The following TMEM132D variants were observed in gnomAD, a reference collection of about 807,000 sequenced individuals.
TMEM132D encodes the protein mature OL transmembrane protein.
Under a neutral mutation model 62.3 loss-of-function variants are expected in TMEM132D, and 21 were observed. That is an observed-to-expected ratio of 0.34 (90% confidence interval 0.24 to 0.49). The LOEUF is 0.49. Among genes scored for constraint, TMEM132D ranks in the 20% least tolerant of loss-of-function variants. TMEM132D has a pLI of 0.99. For missense variants in TMEM132D, 1,346 were observed against 1,402.8 expected (o/e 0.96, Z 0.65); for synonymous variants, 621 against 575.6 (o/e 1.08, Z -1.13).
At chr12:129,791,728 T>G (rs970752958) in intron 1 of TMEM132D, among the ~76,000 whole-genome samples, 1 of 152,318 alleles carries the variant, frequency 6.6e-6, no homozygotes, top group East Asian at 1.9e-4. Context: ...CAAAATCCAA[T>G]TACTAAATGA....
intron 3 of TMEM132D, among the ~76,000 whole-genome samples, chr12:129,408,069 A>G (rs1871850152): frequency 6.6e-6 from 1 of 152,024 alleles, no homozygotes; most frequent in Admixed American, 6.5e-5. Flanking sequence ...GTCTGCCTGT[A>G]TTAGAATCTA....
At chr12:129,872,830 T>C (rs1874295401) in intron 1 of TMEM132D, among the ~76,000 whole-genome samples, 2 of 152,312 alleles carry the variant, frequency 1.3e-5, no homozygotes, top group Admixed American at 6.5e-5. Context: ...TAATAAAACA[T>C]GTACCTCATG....
chr12:129,829,664 A>C (rs1024079130), intron 1 of TMEM132D, among the ~76,000 whole-genome samples: 7 of 152,152 alleles, frequency 4.6e-5, no homozygotes, highest in Non-Finnish European at 8.8e-5. Context: ...GCCAGGACTA[A>C]GTCTCAGGTG....
At chr12:129,150,652 G>A (rs781016313) in intron 5 of TMEM132D, among the ~76,000 whole-genome samples, 2 of 152,194 alleles carry the variant, frequency 1.3e-5, no homozygotes, top group Admixed American at 1.3e-4. Flanking sequence ...CCCAGAGCTT[G>A]TGCTCCTGAC....
chr12:129,354,891 T>A (rs1178488606), intron 3 of TMEM132D, among the ~76,000 whole-genome samples: 1 of 152,224 alleles, frequency 6.6e-6, no homozygotes, highest in Non-Finnish European at 1.5e-5. Flanking sequence ...ACATGCATGC[T>A]TATAAGAATG....
At chr12:129,531,673 G>C (rs962460489) in intron 2 of TMEM132D, among the ~76,000 whole-genome samples, 2 of 152,154 alleles carry the variant, frequency 1.3e-5, no homozygotes, top group African/African-American at 4.8e-5. Flanking sequence ...TCCTAGCAAG[G>C]TTCCAAGCCC....
At chr12:129,465,348 T>C (rs1462003948) in intron 3 of TMEM132D, among the ~76,000 whole-genome samples, 1 of 152,178 alleles carries the variant, frequency 6.6e-6, no homozygotes, top group African/African-American at 2.4e-5. Flanking sequence ...TCATATTGAA[T>C]GGACAAAAAC....
chr12:129,316,299 C>G (rs944497369), intron 4 of TMEM132D, among the ~76,000 whole-genome samples: 1 of 152,174 alleles, frequency 6.6e-6, no homozygotes, highest in Non-Finnish European at 1.5e-5. Flanking sequence ...AAACACTCCT[C>G]TTAGCACTGC....
At chr12:129,188,763 GA>G (rs1266189768) in intron 5 of TMEM132D, among the ~76,000 whole-genome samples, 96 of 876 alleles carry the variant, frequency 0.11, no homozygotes, top group Middle Eastern at 0.5. Flanking sequence ...GGGAGAGAGG[GA>G]GAGAGAGAGA....
At chr12:129,770,580 C>A (rs901261029) in intron 1 of TMEM132D, among the ~76,000 whole-genome samples, 6 of 152,162 alleles carry the variant, frequency 3.9e-5, no homozygotes, top group Non-Finnish European at 8.8e-5. Flanking sequence ...AGATGCCACT[C>A]GACTTACAAT....
At chr12:129,268,970 G>A (rs1437657339) in intron 4 of TMEM132D, among the ~76,000 whole-genome samples, 1 of 140,300 alleles carries the variant, frequency 7.1e-6, no homozygotes, top group African/African-American at 2.7e-5. Flanking sequence ...ATTGAACAGT[G>A]AGAACACATG....
intron 2 of TMEM132D, among the ~76,000 whole-genome samples, chr12:129,629,524 T>G (rs1011941091): frequency 1.1e-4 from 16 of 152,214 alleles, no homozygotes; most frequent in Admixed American, 5.2e-4. Context: ...TGATCCCATC[T>G]CGGTTTAACT....
chr12:129,470,343 G>A (rs1874056689), intron 3 of TMEM132D, among the ~76,000 whole-genome samples: 2 of 152,150 alleles, frequency 1.3e-5, no homozygotes, highest in Admixed American at 1.3e-4. Context: ...TTTTTGGTGT[G>A]GTCAGTTATG....
At chr12:129,804,492 C>G (rs1286050003) in intron 1 of TMEM132D, among the ~76,000 whole-genome samples, 22 of 150,658 alleles carry the variant, frequency 1.5e-4, no homozygotes, top group East Asian at 3.9e-4. Context: ...ATTCAACAAC[C>G]CTTCATGCTA....
intron 5 of TMEM132D, among the ~76,000 whole-genome samples, chr12:129,161,275 C>A (rs1877392781): frequency 1.3e-5 from 2 of 152,092 alleles, no homozygotes; most frequent in African/African-American, 4.8e-5. Flanking sequence ...GTAAAAAGGA[C>A]CTTGATTCCT....
chr12:129,507,446 AT>A (rs1875367961), intron 3 of TMEM132D, among the ~76,000 whole-genome samples: 1 of 152,236 alleles, frequency 6.6e-6, no homozygotes, highest in Non-Finnish European at 1.5e-5. Flanking sequence ...AATTGCAAAA[AT>A]GTGGAACCAA....
intron 5 of TMEM132D, among the ~76,000 whole-genome samples, chr12:129,193,226 T>C (rs114804914): frequency 0.02 from 3,040 of 151,820 alleles, 96 homozygotes; most frequent in African/African-American, 0.068. Flanking sequence ...TGTGATACAG[T>C]GTTTAATTGC....
intron 3 of TMEM132D, among the ~76,000 whole-genome samples, chr12:129,357,543 GAA>G (rs1394890394): frequency 1.3e-5 from 2 of 149,582 alleles, no homozygotes; most frequent in African/African-American, 4.9e-5. Flanking sequence ...AGGAAAGAAA[GAA>G]AAGAAAGAAA....
chr12:129,083,995 C>A (rs915996199), intron 6 of TMEM132D, among the ~76,000 whole-genome samples: 2 of 152,204 alleles, frequency 1.3e-5, no homozygotes, highest in African/African-American at 4.8e-5. Context: ...CGCAGAGAGG[C>A]AGTTCAGGTC....
Sources: gnomAD v4.1 joint callset for allele counts (sites outside exome capture counted in the v4.1 genomes callset) on GRCh38, gnomAD v4.1.1 for gene constraint, MANE v1.5 for transcripts, NCBI Gene and HGNC (gene_info 2026-07-23, HGNC 2026-07-21) for gene names.